The following UBN1 variants were observed in gnomAD, a reference collection of about 807,000 sequenced individuals.
The protein encoded by UBN1 is ubinuclein-1.
UBN1 carries 17 observed loss-of-function variants against 108.5 expected under a neutral mutation model. The ratio of observed to expected loss-of-function variants is 0.16; its 90% CI spans 0.11 to 0.24. The LOEUF (loss-of-function observed/expected upper bound fraction) is 0.24. UBN1 is among the 10% of genes least tolerant of loss of function. The pLI is 1.00. For synonymous variants in UBN1, 726 were observed against 564.2 expected (o/e 1.29, Z -4.07); for missense variants, 1,595 against 1,394.4 (o/e 1.14, Z -2.29).
At chr16:4,850,112 G>A (rs940323089) in intron 1 of UBN1, among the ~76,000 whole-genome samples, 3 of 151,938 alleles carry the variant, frequency 2.0e-5, no homozygotes, top group African/African-American at 7.3e-5. Flanking sequence ...TAAGTCTAAC[G>A]TACCATTGTT....
chr16:4,870,586 C>A lies in UBN1; in HGVS notation c.1382C>A (p.Ala461Asp). 1 of 1,614,196 alleles carries A rather than the reference C, an allele frequency of 6.2e-7. No individual in the cohort carries two copies. Among genetic ancestry groups the A allele is most frequent in the South Asian group, 1.1e-5 (1 of 91,092 alleles). The change falls in exon 10 of 18, where the codon GCC (alanine) becomes GAC (aspartate). Residue 461 changes from alanine to aspartate, a missense_variant. Physicochemically the swap from Ala to Asp is moderately radical, Grantham distance 126. Around this residue, in one of 3 missense-constraint regions of UBN1, gnomAD observed 1,398 missense variants for 1,194.7 expected, o/e 1.17. Transcript: ENST00000262376. ...AIGRAMPEQM[A>D]KYQDECQAHT... ...GGCAGGGCGATGCCAGAGCAGATGG[C>A]CAAGTACCAGGACGAATGCCAGGCA...
At chr16:4,861,523 C>T (rs1216530854) in intron 7 of UBN1, among the ~76,000 whole-genome samples, 1 of 152,258 alleles carries the variant, frequency 6.6e-6, no homozygotes, top group Non-Finnish European at 1.5e-5. Flanking sequence ...GTAGATGCTT[C>T]GTTGCCACTA....
rs2087928451 is a variant in UBN1 at position 4,877,294 on chromosome 16, T to G, written c.3266-91T>G. 6.5e-7 allele frequency: 1 copy of G among 1,538,502 alleles called. No individual in the cohort carries two copies. The highest frequency in any genetic ancestry group is 8.8e-7 in the Non-Finnish European group (1 of 1,138,134). On this transcript the variant is annotated intron_variant, in intron 16 of 17. Coordinates refer to ENST00000262376, the MANE Select transcript of UBN1 (RefSeq NM_001079514.3). This position sits in a 1 kb window ranked among gnomAD's most constrained non-coding sequence, Gnocchi z 4.3. ...TGGTGCCCAGACTGGCCTGGCAGGT[T>G]ATCGGGGGCTTTTGGCTGCTGGAGC...
Position 4,872,900 on chromosome 16 carries a change from A to G in UBN1, c.1723A>G (p.Ser575Gly). The G allele has an allele frequency of 9.3e-6, 15 of 1,614,116 alleles. No individual in the cohort carries two copies. Among genetic ancestry groups the G allele is most frequent in the Non-Finnish European group, 1.3e-5 (15 of 1,180,006 alleles). The change falls in exon 13 of 18, where the codon AGC (serine) becomes GGC (glycine). Residue 575 changes from serine to glycine, a missense_variant. Around this residue, in one of 3 missense-constraint regions of UBN1, gnomAD observed 1,398 missense variants for 1,194.7 expected, o/e 1.17. Transcript: ENST00000262376. The stretch of plus-strand genomic sequence containing the variant: ...GTCTTTCAGAACTCTGTTTAAGGAG[A>G]GCAGACGAGGCCATGGGCACCTGAC... ...WMQARTLFKE[S>G]RRGHGHLTSI...
At position 4,874,249 on chromosome 16, in the gene UBN1, A is replaced by T. The variant is rs748850912; in HGVS notation, c.1839A>T (p.Pro613=). ...STKPDKKVSV[P]SGQIGGPIAL... ...AGCCTGATAAAAAGGTTTCTGTCCC[A>T]TCAGGACAGATTGGTGGCCCCATTG... The change falls in exon 15 of 18, where the codon CCA becomes CCT. Residue 613 remains proline (P), a synonymous_variant. Transcript: ENST00000262376. 4 of 1,604,792 alleles carry T rather than the reference A, an allele frequency of 2.5e-6. No homozygotes were observed. Among genetic ancestry groups the T allele is most frequent in the Non-Finnish European group, 3.4e-6 (4 of 1,174,942 alleles).
chr16:4,876,987 C>A lies in UBN1; in HGVS notation c.3141C>A (p.Thr1047=), dbSNP rs753245227. The A allele has an allele frequency of 1.2e-6, 2 of 1,614,216 alleles. No homozygotes were observed. Among genetic ancestry groups the A allele is most frequent in the East Asian group, 2.2e-5 (1 of 44,884 alleles). Residue 1047 remains threonine, a synonymous_variant, in exon 16 of 18, where the codon ACC becomes ACA. Transcript: ENST00000262376. The part of the protein sequence containing the change: ...AMSSNSLGII[T]PVPIPVHVLS... Reference sequence around the variant, plus strand: ...GCTCGAACTCCTTGGGAATTATAACCCCTGTCCCTATTCCTGTCCATGTGC... The same window carrying A: ...GCTCGAACTCCTTGGGAATTATAACACCTGTCCCTATTCCTGTCCATGTGC...
At position 4,877,306 on chromosome 16, in the gene UBN1, T is replaced by C; in HGVS notation, c.3266-79T>C. On this transcript the variant is annotated intron_variant, in intron 16 of 17. Transcript: ENST00000262376. This position sits in a 1 kb window ranked among gnomAD's most constrained non-coding sequence, Gnocchi z 4.3. ...TGGCCTGGCAGGTTATCGGGGGCTT[T>C]TGGCTGCTGGAGCTGCTTTCCTGTT... 2 of 1,549,574 alleles carry C rather than the reference T, an allele frequency of 1.3e-6. No individual in the cohort carries two copies. Among genetic ancestry groups the C allele is most frequent in the Non-Finnish European group, 1.7e-6 (2 of 1,143,756 alleles).
In UBN1 at chr16:4,874,642, G is replaced by C; in HGVS notation, c.2232G>C (p.Leu744=). 1 of 1,614,182 alleles carries C rather than the reference G, an allele frequency of 6.2e-7. No homozygotes were observed. Among genetic ancestry groups the C allele is most frequent in the South Asian group, 1.1e-5 (1 of 91,082 alleles). Residue 744 remains leucine, a synonymous_variant, in exon 15 of 18, where the codon CTG becomes CTC. Transcript: ENST00000262376. ...SPLNFLAEQA[L]ALGQSSQEKK... Reference sequence around the variant, plus strand: ...TCAATTTTCTGGCAGAACAGGCTCTGGCACTGGGGCAGTCCTCTCAGGAGA... The same window carrying C: ...TCAATTTTCTGGCAGAACAGGCTCTCGCACTGGGGCAGTCCTCTCAGGAGA...
At chr16:4,868,628 G>A (rs2087452208) in intron 7 of UBN1, among the ~76,000 whole-genome samples, 1 of 152,218 alleles carries the variant, frequency 6.6e-6, no homozygotes, top group Non-Finnish European at 1.5e-5. Context: ...AGAACTGGCA[G>A]CCCACAGATG....
At chr16:4,855,629 G>T (rs1009248677) in intron 2 of UBN1, among the ~76,000 whole-genome samples, 4 of 136,734 alleles carry the variant, frequency 2.9e-5, no homozygotes, top group South Asian at 4.7e-4. Context: ...AAAAAAAAAA[G>T]GCTGGAAGGC....
chr16:4,877,038 C>G lies in UBN1; in HGVS notation c.3192C>G (p.Ala1064=). Residue 1064 remains alanine, a synonymous_variant, in exon 16 of 18, where the codon GCC becomes GCG. Coordinates refer to ENST00000262376, the MANE Select transcript of UBN1 (RefSeq NM_001079514.3). This position sits in a 1 kb window ranked among gnomAD's most constrained non-coding sequence, Gnocchi z 4.3. ...HVLSFSADSS[A]KAGVSKDAIV... is the part of the protein sequence containing the mutation. ...TCTCCTTCAGCGCTGACTCCTCTGCCAAAGCAGGGGTCTCCAAGGATGCCA... is the reference window on the plus strand; with the variant it reads ...TCTCCTTCAGCGCTGACTCCTCTGCGAAAGCAGGGGTCTCCAAGGATGCCA... 6.2e-7 allele frequency: 1 copy of G among 1,614,198 alleles called. No individual in the cohort carries two copies. The highest frequency in any genetic ancestry group is 1.1e-5 in the South Asian group (1 of 91,078).
rs759805843 is a variant in UBN1 at position 4,874,896 on chromosome 16, G to T, written c.2486G>T (p.Gly829Val). 3.1e-6 allele frequency: 5 copies of T among 1,614,038 alleles called. 1 individual carries two copies. In the South Asian group the frequency reaches 5.5e-5, roughly 18 times the overall value. The stretch of plus-strand genomic sequence containing the variant: ...TCTCCATTTGCCAATAAGCTCCAAG[G>T]CCCAAAGGCTTCTCCCACACAGTGT... The part of the protein sequence containing the change: ...PPSPFANKLQ[G>V]PKASPTQCHR... The change falls in exon 15 of 18, where the codon GGC becomes GTC. Residue 829 changes from glycine to valine, a missense_variant. Physicochemically the swap from Gly to Val is moderately radical, Grantham distance 109. Coordinates refer to ENST00000262376, the MANE Select transcript of UBN1 (RefSeq NM_001079514.3).
chr16:4,861,758 A>G lies in UBN1; in HGVS notation c.1110+656A>G, dbSNP rs538371957. 1.3e-3 allele frequency among the ~76,000 whole-genome samples: 198 copies of G among 152,370 alleles called. 1 individual carries two copies. Among genetic ancestry groups the G allele is most frequent in the Non-Finnish European group, 7.3e-5 (5 of 68,038 alleles). ...GGAGTTCGAGACCAGCCTGGCCAAC[A>G]TGGTGAAACCCTGTTTCTACTAAAA... is the stretch of plus-strand genomic sequence containing the variant. On this transcript the variant is annotated intron_variant, in intron 7 of 17. Transcript: ENST00000262376.
chr16:4,871,339 A>G, intron 12 of UBN1, 38 bp downstream of exon 12: 1 of 1,601,988 alleles, frequency 6.2e-7, no homozygotes, highest in South Asian at 1.1e-5. Flanking sequence ...CTGTGCAGTC[A>G]AGACACGTTT....
Position 4,874,731 on chromosome 16 carries a change from C to G in UBN1, c.2321C>G (p.Pro774Arg). 1.2e-6 allele frequency: 2 copies of G among 1,614,080 alleles called. No homozygotes were observed. Among genetic ancestry groups the G allele is most frequent in the Non-Finnish European group, 1.7e-6 (2 of 1,180,028 alleles). ...SCQAPLNKGL[P>R]EVHQSKAKHH... ...CAGGCTCCCCTCAATAAGGGCCTGC[C>G]AGAAGTACATCAGTCCAAAGCTAAG... Residue 774 changes from proline (P) to arginine (R), a missense_variant, in exon 15 of 18, where the codon CCA becomes CGA. Physicochemically the swap from Pro to Arg is moderately radical, Grantham distance 103. Transcript: ENST00000262376.
intron 4 of UBN1, 87 bp from the exon 5 acceptor site, chr16:4,858,938 C>G (rs1404996947): frequency 1.3e-6 from 2 of 1,515,338 alleles, no homozygotes; most frequent in South Asian, 2.6e-5. Flanking sequence ...GGCAGAGGAG[C>G]ACAGTCACAT....
chr16:4,858,695 C>G, intron 4 of UBN1, 32 bp downstream of exon 4: 2 of 1,601,160 alleles, frequency 1.2e-6, no homozygotes, highest in Non-Finnish European at 8.6e-7. Flanking sequence ...CGTGTCAGAC[C>G]CACTGTACCT....
Position 4,872,926 on chromosome 16 carries a change from T to A in UBN1, c.1749T>A (p.Thr583=). The A allele has an allele frequency of 1.2e-6, 2 of 1,614,234 alleles. No homozygotes were observed. Among genetic ancestry groups the A allele is most frequent in the East Asian group, 2.2e-5 (1 of 44,886 alleles). Residue 583 remains threonine (T), a synonymous_variant, in exon 13 of 18, where the codon ACT becomes ACA. Coordinates refer to ENST00000262376, the MANE Select transcript of UBN1 (RefSeq NM_001079514.3). ...GCAGACGAGGCCATGGGCACCTGAC[T>A]TCAATCCTGTGAGTGTCTTGGTATT... ...KESRRGHGHL[T]SILAKKKVMA... is the part of the protein sequence containing the mutation.
chr16:4,881,595 C>T lies in UBN1; in HGVS notation c.*1463C>T, dbSNP rs1474675757. ...AGGGTACAGCGCCCAGTAACTCATC[C>T]TTCATTCAGAGGTTTGCTGGCCTTC... On this transcript the variant is annotated 3_prime_UTR_variant, in exon 18 of 18. Coordinates refer to ENST00000262376, the MANE Select transcript of UBN1 (RefSeq NM_001079514.3). The T allele has an allele frequency of 2.6e-5, 4 of 152,188 alleles. No homozygotes were observed. Among genetic ancestry groups the T allele is most frequent in the Non-Finnish European group, 5.9e-5 (4 of 68,050 alleles). 9.4% of individuals were successfully genotyped at this position (152,188 alleles called of 1,614,324 possible).
Sources: allele counts gnomAD v4.1 joint callset (sites outside exome capture counted in the v4.1 genomes callset), GRCh38; gene constraint gnomAD v4.1.1; regional missense constraint gnomAD v4.1.1; non-coding constraint Gnocchi (gnomAD v3.1); transcripts MANE v1.5; gene names NCBI Gene and HGNC (gene_info 2026-07-23, HGNC 2026-07-21).